Variants in WARS2 observed in about 807,000 individuals in gnomAD.
WARS2 encodes tryptophan--tRNA ligase, mitochondrial.
A neutral mutation model predicts 36.5 loss-of-function variants in WARS2; 28 were observed. The observed-to-expected ratio is 0.77, with a 90% CI of 0.57 to 1.05. The LOEUF is 1.05. WARS2 is among the 50% of genes least tolerant of loss of function. The pLI is 0.00. For synonymous variants in WARS2, 174 were observed against 178.4 expected, an observed-to-expected ratio of 0.98 and a Z score of 0.20; for missense variants, 435 against 456.8, an observed-to-expected ratio of 0.95 and a Z score of 0.44.
At chr1:119,133,252 C>A (rs1656240205) in intron 1 of WARS2, among the ~76,000 whole-genome samples, 1 of 152,204 alleles carries the variant, frequency 6.6e-6, no homozygotes, top group South Asian at 2.1e-4. Flanking sequence ...CCTCATAATT[C>A]ATTGAGCGAA....
At chr1:119,128,694 T>G (rs762196146) in intron 1 of WARS2, among the ~76,000 whole-genome samples, 1 of 151,692 alleles carries the variant, frequency 6.6e-6, no homozygotes, top group African/African-American at 2.4e-5. Flanking sequence ...TCAGTGGTCA[T>G]GGCTTTGTTA....
chr1:119,074,207 G>T (rs1207276148), intron 2 of WARS2, among the ~76,000 whole-genome samples: 1 of 152,188 alleles, frequency 6.6e-6, no homozygotes, highest in East Asian at 1.9e-4. Flanking sequence ...GAAGCTCCAG[G>T]CACATTCTTT....
At chr1:119,057,726 G>A (rs998188825) in intron 2 of WARS2, among the ~76,000 whole-genome samples, 1 of 151,400 alleles carries the variant, frequency 6.6e-6, no homozygotes, top group African/African-American at 2.4e-5. Flanking sequence ...GGAGGCAGAG[G>A]TTTCAGTGAG....
At chr1:119,106,946 T>TCACTTCATATTCTTGC (rs1654281323) in intron 1 of WARS2, among the ~76,000 whole-genome samples, 1 of 152,216 alleles carries the variant, frequency 6.6e-6, no homozygotes, top group African/African-American at 2.4e-5. Context: ...AAAGTTCTTG[T>TCACTTCATATTCTTGC]CACTTCACAT....
At chr1:119,066,142 A>C (rs1426538454) in intron 2 of WARS2, among the ~76,000 whole-genome samples, 1 of 152,176 alleles carries the variant, frequency 6.6e-6, no homozygotes, top group African/African-American at 2.4e-5. Flanking sequence ...AAAACAAAAA[A>C]CAAAACTCTG....
intron 3 of WARS2, among the ~76,000 whole-genome samples, chr1:119,042,807 C>A (rs888028621): frequency 6.6e-6 from 1 of 152,020 alleles, no homozygotes; most frequent in Non-Finnish European, 1.5e-5. Flanking sequence ...CTGGAATGTT[C>A]CCTTAAAATC....
chr1:119,035,031 A>T (rs1279303590), intron 4 of WARS2, among the ~76,000 whole-genome samples: 1 of 152,342 alleles, frequency 6.6e-6, no homozygotes, highest in East Asian at 1.9e-4. Flanking sequence ...TATCTGTAAT[A>T]TTTCATATTA....
intron 2 of WARS2, among the ~76,000 whole-genome samples, chr1:119,053,629 C>T (rs1011771312): frequency 4.6e-5 from 7 of 152,122 alleles, no homozygotes; most frequent in East Asian, 1.9e-4. Flanking sequence ...TGAACTACAT[C>T]GAAATTTAAA....
chr1:119,115,271 G>A (rs1339911387), intron 1 of WARS2, among the ~76,000 whole-genome samples: 1 of 152,164 alleles, frequency 6.6e-6, no homozygotes, highest in African/African-American at 2.4e-5. Context: ...TGTGGCAATC[G>A]AGCTTTGCCC....
intron 1 of WARS2, among the ~76,000 whole-genome samples, chr1:119,097,941 C>A (rs1162251941): frequency 6.6e-6 from 1 of 152,130 alleles, no homozygotes; most frequent in East Asian, 1.9e-4. Flanking sequence ...TCTCAGACTG[C>A]CTATCCCAGC....
At chr1:119,071,298 A>C (rs1337304074) in intron 2 of WARS2, among the ~76,000 whole-genome samples, 3 of 152,218 alleles carry the variant, frequency 2.0e-5, no homozygotes, top group African/African-American at 4.8e-5. Flanking sequence ...CCTCAAAAAA[A>C]TTAAAAACAG....
intron 4 of WARS2, 129 bp downstream of exon 4, chr1:119,042,135 T>A: frequency 2.8e-6 from 2 of 713,582 alleles, no homozygotes; most frequent in Non-Finnish European, 4.8e-6. Flanking sequence ...GGAATAGATA[T>A]AAACTGATTC....
At chr1:119,094,693 C>T (rs1653288712) in intron 1 of WARS2, among the ~76,000 whole-genome samples, 1 of 151,938 alleles carries the variant, frequency 6.6e-6, no homozygotes, top group Non-Finnish European at 1.5e-5. Context: ...GTTTTTATGT[C>T]AAAAGCAGCT....
chr1:119,117,880 G>C (rs1655077939), intron 1 of WARS2, among the ~76,000 whole-genome samples: 2 of 152,154 alleles, frequency 1.3e-5, no homozygotes, highest in Non-Finnish European at 2.9e-5. Context: ...GAGAAACGGG[G>C]AGAGCATCAC....
At chr1:119,135,411 G>A (rs587696972) in intron 1 of WARS2, among the ~76,000 whole-genome samples, 1 of 152,260 alleles carries the variant, frequency 6.6e-6, no homozygotes, top group African/African-American at 2.4e-5. Flanking sequence ...ATATAACAGG[G>A]ATTCATGTAA....
At chr1:119,085,456 CT>C (rs1557970363) in intron 1 of WARS2, 6 of 1,519,318 alleles carry the variant, frequency 3.9e-6, no homozygotes, top group Non-Finnish European at 5.3e-6. Context: ...GTCTCTTTTT[CT>C]TTTTTTCCTT....
chr1:119,120,497 C>A (rs1464999329), intron 1 of WARS2, among the ~76,000 whole-genome samples: 1 of 151,968 alleles, frequency 6.6e-6, no homozygotes, highest in Non-Finnish European at 1.5e-5. Flanking sequence ...AGTACCAATC[C>A]TACTGAAACT....
intron 1 of WARS2, 80 bp from the exon 2 acceptor site, chr1:119,076,687 G>A (rs1651766328): frequency 1.9e-6 from 3 of 1,557,450 alleles, no homozygotes; most frequent in African/African-American, 2.7e-5. Flanking sequence ...ATAGCTATGG[G>A]AGCTAGTTAT....
intron 4 of WARS2, among the ~76,000 whole-genome samples, chr1:119,041,278 A>G (rs1655195784): frequency 6.6e-6 from 1 of 152,222 alleles, no homozygotes; most frequent in African/African-American, 2.4e-5. Context: ...GGCCCTAAGC[A>G]CATGCCAATT....
Sources: gnomAD v4.1 joint callset for allele counts (sites outside exome capture counted in the v4.1 genomes callset) on GRCh38, gnomAD v4.1.1 for gene constraint, MANE v1.5 for transcripts, NCBI Gene and HGNC (gene_info 2026-07-23, HGNC 2026-07-21) for gene names.